UBASH3B: variants seen among roughly 807,000 people sequenced by gnomAD.
UBASH3B encodes the protein ubiquitin-associated and SH3 domain-containing protein B.
In UBASH3B, 37 loss-of-function variants were observed where a neutral mutation model predicts 83.4. The ratio of observed to expected loss-of-function variants is 0.44; its 90% CI spans 0.34 to 0.58. The LOEUF (loss-of-function observed/expected upper bound fraction) is 0.58. Among genes scored for constraint, UBASH3B ranks in the 20% least tolerant of loss-of-function variants. The pLI, the probability that UBASH3B is intolerant of heterozygous loss-of-function variation, is 0.01. For synonymous variants in UBASH3B, 304 were observed against 318.3 expected, an observed-to-expected ratio of 0.96 and a Z score of 0.48; for missense variants, 657 against 827.2, an observed-to-expected ratio of 0.79 and a Z score of 2.52.
intron 1 of UBASH3B, among the ~76,000 whole-genome samples, chr11:122,659,579 G>A (rs1863408715): frequency 6.6e-6 from 1 of 152,204 alleles, no homozygotes; most frequent in African/African-American, 2.4e-5. Flanking sequence ...TTTGAGAGTT[G>A]AGAAGAAAGA....
intron 1 of UBASH3B, among the ~76,000 whole-genome samples, chr11:122,659,692 C>T (rs1246010245): frequency 6.6e-6 from 1 of 152,226 alleles, no homozygotes; most frequent in Non-Finnish European, 1.5e-5. Context: ...CAGTGATGGT[C>T]TCCTGGGTCT....
At chr11:122,684,942 G>C (rs550120503) in intron 1 of UBASH3B, among the ~76,000 whole-genome samples, 21 of 152,298 alleles carry the variant, frequency 1.4e-4, no homozygotes, top group African/African-American at 5.1e-4. Context: ...CTTCCAAGCA[G>C]AGGCTAGAAA....
chr11:122,800,277 C>T (rs930436228), intron 10 of UBASH3B, among the ~76,000 whole-genome samples: 6 of 151,688 alleles, frequency 4.0e-5, no homozygotes, highest in African/African-American at 1.2e-4. Context: ...CAGTGGCTCA[C>T]GCCTGTAATC....
intron 1 of UBASH3B, among the ~76,000 whole-genome samples, chr11:122,746,868 C>T (rs116162032): frequency 0.023 from 3,509 of 152,124 alleles, 115 homozygotes; most frequent in African/African-American, 0.08. Flanking sequence ...TGGGAGGGGC[C>T]GTGAGGGGGG....
At chr11:122,711,771 C>T (rs1864195941) in intron 1 of UBASH3B, among the ~76,000 whole-genome samples, 1 of 152,184 alleles carries the variant, frequency 6.6e-6, no homozygotes, top group Non-Finnish European at 1.5e-5. Context: ...AATGGGAATA[C>T]TAATCCTGCC....
At chr11:122,658,738 G>C (rs1333617167) in intron 1 of UBASH3B, among the ~76,000 whole-genome samples, 1 of 152,216 alleles carries the variant, frequency 6.6e-6, no homozygotes, top group Non-Finnish European at 1.5e-5. Context: ...AGAAATGATT[G>C]AATGTGGGTA....
rs58948783 is a variant in UBASH3B at position 122,697,127 on chromosome 11, G to A, written c.161+40917G>A. ...GTTTGGGGGGGAAGTTTGAAGTTTTGTTTGACTGCTAAGAGGAATTAGATA... is the reference window on the plus strand; with the variant it reads ...GTTTGGGGGGGAAGTTTGAAGTTTTATTTGACTGCTAAGAGGAATTAGATA... On this transcript the variant is annotated intron_variant, in intron 1 of 13. Transcript: ENST00000284273. 7.7e-3 allele frequency among the ~76,000 whole-genome samples: 1,173 copies of A among 152,226 alleles called. 11 individuals are homozygous for A. Among genetic ancestry groups the A allele is most frequent in the African/African-American group, 0.027 (1,108 of 41,520 alleles).
chr11:122,739,789 A>G (rs897900861), intron 1 of UBASH3B, among the ~76,000 whole-genome samples: 3 of 152,210 alleles, frequency 2.0e-5, no homozygotes, highest in Non-Finnish European at 4.4e-5. Context: ...GGGGCTGGGC[A>G]GTGGTTCAAA....
At chr11:122,656,317 C>T in intron 1 of UBASH3B, 107 bp downstream of exon 1, 1 of 1,144,114 alleles carries the variant, frequency 8.7e-7, no homozygotes, top group Non-Finnish European at 1.1e-6. Context: ...GCAGCGCGCT[C>T]CCCGCTGCCC....
At chr11:122,675,048 C>G (rs1565524951) in intron 1 of UBASH3B, among the ~76,000 whole-genome samples, 1 of 152,128 alleles carries the variant, frequency 6.6e-6, no homozygotes, top group Non-Finnish European at 1.5e-5. Context: ...TATTAATAAA[C>G]CCATTTTACA....
intron 1 of UBASH3B, among the ~76,000 whole-genome samples, chr11:122,715,111 A>G (rs1329860714): frequency 6.6e-6 from 1 of 152,028 alleles, no homozygotes; most frequent in African/African-American, 2.4e-5. Context: ...ACACCCGGCT[A>G]ATTTTTTGTA....
At chr11:122,739,698 C>G (rs1482494275) in intron 1 of UBASH3B, among the ~76,000 whole-genome samples, 1 of 152,210 alleles carries the variant, frequency 6.6e-6, no homozygotes, top group Non-Finnish European at 1.5e-5. Flanking sequence ...ATTTTCATCT[C>G]TGCTCACTCT....
chr11:122,662,393 C>T (rs1003294016), intron 1 of UBASH3B, among the ~76,000 whole-genome samples: 1 of 151,850 alleles, frequency 6.6e-6, no homozygotes, highest in African/African-American at 2.4e-5. Context: ...TCTCAACCCC[C>T]AACCCTGAGC....
intron 1 of UBASH3B, among the ~76,000 whole-genome samples, chr11:122,670,958 T>C (rs1281235553): frequency 2.0e-5 from 3 of 151,928 alleles, no homozygotes; most frequent in African/African-American, 7.3e-5. Flanking sequence ...AGATGGGGTT[T>C]CGCCACGTTG....
Position 122,801,396 on chromosome 11 carries a change from G to GC in UBASH3B, c.1595+66dup, listed in dbSNP as rs1861256999. 2.8e-5 allele frequency: 45 copies of GC among 1,581,574 alleles called. No individual in the cohort carries two copies. In the South Asian group the frequency reaches 4.6e-4, roughly 16 times the overall value. On this transcript the variant is annotated intron_variant, in intron 11 of 13. Transcript: ENST00000284273. ...GAAGTGCTTTCTGCACTAGCACTAG[G>GC]CCAGGTTCAGGAAGGAGCCAGGGCT...
intron 1 of UBASH3B, among the ~76,000 whole-genome samples, chr11:122,755,314 A>C (rs749558340): frequency 2.0e-5 from 3 of 152,158 alleles, no homozygotes; most frequent in African/African-American, 7.2e-5. Flanking sequence ...CACCTCGCCC[A>C]TGCAGAAGGC....
chr11:122,715,790 G>A (rs1190569649), intron 1 of UBASH3B, among the ~76,000 whole-genome samples: 1 of 152,230 alleles, frequency 6.6e-6, no homozygotes, highest in Non-Finnish European at 1.5e-5. Context: ...CCATTGCCAG[G>A]TTCTGTAACC....
At chr11:122,742,524 T>G (rs1861042765) in intron 1 of UBASH3B, among the ~76,000 whole-genome samples, 1 of 152,204 alleles carries the variant, frequency 6.6e-6, no homozygotes. Context: ...AAAGCCAGTC[T>G]GGGCTTGTTT....
intron 1 of UBASH3B, among the ~76,000 whole-genome samples, chr11:122,668,088 C>T (rs1323065461): frequency 2.6e-5 from 4 of 152,084 alleles, no homozygotes; most frequent in Admixed American, 6.6e-5. Context: ...CAGGTTCAAG[C>T]GATTCTCCTG....
Sources: gnomAD v4.1 joint callset for allele counts (sites outside exome capture counted in the v4.1 genomes callset) on GRCh38, gnomAD v4.1.1 for gene constraint, MANE v1.5 for transcripts, NCBI Gene and HGNC (gene_info 2026-07-23, HGNC 2026-07-21) for gene names.